LHFPL3: variants seen among roughly 807,000 people sequenced by gnomAD.
LHFPL3 encodes LHFPL tetraspan subfamily member 3 protein.
In LHFPL3, 5 loss-of-function variants were observed where a neutral mutation model predicts 19.3. The ratio of observed to expected loss-of-function variants is 0.26; its 90% confidence interval spans 0.14 to 0.54. The LOEUF (loss-of-function observed/expected upper bound fraction) is 0.54, where lower values mean the gene tolerates loss of function less well. LHFPL3 is among the 20% of genes least tolerant of loss of function. The pLI is 0.94. For synonymous variants in LHFPL3, 133 were observed against 126.2 expected (o/e 1.05, Z -0.36); for missense variants, 249 against 307.4 (o/e 0.81, Z 1.42).
At chr7:104,383,912 T>A (rs1790882438) in intron 1 of LHFPL3, among the ~76,000 whole-genome samples, 3 of 152,236 alleles carry the variant, frequency 2.0e-5, no homozygotes, top group Admixed American at 2.0e-4. Context: ...TGTAATCAGT[T>A]GTCTGACCTC....
At chr7:104,346,256 G>A (rs991185649) in intron 1 of LHFPL3, among the ~76,000 whole-genome samples, 9 of 151,352 alleles carry the variant, frequency 5.9e-5, no homozygotes, top group Non-Finnish European at 8.8e-5. Flanking sequence ...GGCTGGTCTC[G>A]AACTCCTGAC....
intron 1 of LHFPL3, chr7:104,470,161 C>T (rs1792879644): frequency 2.3e-5 from 10 of 443,494 alleles, no homozygotes; most frequent in Non-Finnish European, 4.6e-6. Context: ...TCTTTTCCCC[C>T]TGTTCTTAGG....
At position 104,350,129 on chromosome 7, in the gene LHFPL3, A is replaced by G. The variant is rs530663584; in HGVS notation, c.445+20905A>G. ...TATTGCCCAGGATCATACAGCTACA[A>G]CTATCCAGTATAGTAGCCTGTCACC... On this transcript the variant is annotated intron_variant, in intron 1 of 2. Coordinates refer to ENST00000424859, the MANE Select transcript of LHFPL3 (RefSeq NM_199000.3). Among the ~76,000 whole-genome samples, 5 of 152,302 alleles carry G rather than the reference A, an allele frequency of 3.3e-5. No individual in the cohort carries two copies. The South Asian group carries it at 1.0e-3, about 32-fold the overall frequency.
intron 1 of LHFPL3, among the ~76,000 whole-genome samples, chr7:104,421,347 G>A (rs902843004): frequency 6.6e-6 from 1 of 152,208 alleles, no homozygotes; most frequent in Non-Finnish European, 1.5e-5. Flanking sequence ...AGTGAGGCTT[G>A]ACCAGATGAG....
chr7:104,808,798 A>G (rs1406366261), intron 2 of LHFPL3, among the ~76,000 whole-genome samples: 1 of 150,820 alleles, frequency 6.6e-6, no homozygotes, highest in East Asian at 2.0e-4. Flanking sequence ...ACATCTCTTG[A>G]TTTTAGGGTA....
chr7:104,529,576 C>T (rs561561266), intron 1 of LHFPL3, among the ~76,000 whole-genome samples: 19 of 152,302 alleles, frequency 1.2e-4, no homozygotes, highest in African/African-American at 4.6e-4. Flanking sequence ...GCCATAACAC[C>T]TGCTTCAGTG....
At chr7:104,341,227 CAG>C (rs1789943290) in intron 1 of LHFPL3, among the ~76,000 whole-genome samples, 1 of 152,220 alleles carries the variant, frequency 6.6e-6, no homozygotes, top group South Asian at 2.1e-4. Context: ...TTAAAATTTT[CAG>C]ATTTATGCTC....
intron 1 of LHFPL3, among the ~76,000 whole-genome samples, chr7:104,438,844 T>C (rs1399414806): frequency 1.3e-5 from 2 of 152,000 alleles, no homozygotes; most frequent in African/African-American, 4.8e-5. Context: ...TTGTTAAATC[T>C]CTATCAAAAC....
At chr7:104,392,373 T>G (rs1791091486) in intron 1 of LHFPL3, among the ~76,000 whole-genome samples, 1 of 152,032 alleles carries the variant, frequency 6.6e-6, no homozygotes, top group African/African-American at 2.4e-5. Flanking sequence ...AATACCTAAT[T>G]TATTGAGAGT....
In LHFPL3 at chr7:104,399,756, G is replaced by A. The variant is rs939410134; in HGVS notation, c.445+70532G>A. On this transcript the variant is annotated intron_variant, in intron 1 of 2. Transcript: ENST00000424859. This position sits in a 1 kb window ranked among gnomAD's most constrained non-coding sequence, Gnocchi z 4.4. ...CAAAGTGCTGGGATTACAGTTGTAA[G>A]CCACTGCGCCCGGCCATATGTTCTT... Among the ~76,000 whole-genome samples, 1 of 150,882 alleles carries A rather than the reference G, an allele frequency of 6.6e-6. No individual in the cohort carries two copies. Among genetic ancestry groups the A allele is most frequent in the African/African-American group, 2.4e-5 (1 of 40,956 alleles).
intron 2 of LHFPL3, among the ~76,000 whole-genome samples, chr7:104,881,571 A>C (rs573314887): frequency 1.3e-5 from 2 of 152,336 alleles, no homozygotes; most frequent in Admixed American, 6.5e-5. Flanking sequence ...GCTTCTTATG[A>C]ATGAACAAAG....
intron 1 of LHFPL3, among the ~76,000 whole-genome samples, chr7:104,513,933 G>C (rs973367212): frequency 6.6e-6 from 1 of 152,022 alleles, no homozygotes; most frequent in Non-Finnish European, 1.5e-5. Context: ...AATAGAAACT[G>C]ACAGGACAGG....
chr7:104,524,331 A>G (rs1271734145), intron 1 of LHFPL3, among the ~76,000 whole-genome samples: 4 of 152,158 alleles, frequency 2.6e-5, no homozygotes, highest in Non-Finnish European at 5.9e-5. Context: ...AAGGCCGGGC[A>G]AGGGACTCCA....
At chr7:104,444,923 G>A (rs544285309) in intron 1 of LHFPL3, among the ~76,000 whole-genome samples, 24 of 152,230 alleles carry the variant, frequency 1.6e-4, no homozygotes, top group African/African-American at 5.8e-4. Flanking sequence ...GGGAGGTGGA[G>A]GTTGCGGTGA....
At chr7:104,582,865 C>T (rs933782319) in intron 1 of LHFPL3, among the ~76,000 whole-genome samples, 1 of 151,410 alleles carries the variant, frequency 6.6e-6, no homozygotes, top group Non-Finnish European at 1.5e-5. Context: ...ATTTTTGCAT[C>T]TAGTATATAT....
intron 2 of LHFPL3, chr7:104,896,095 G>A (rs1368548812): frequency 2.0e-5 from 3 of 152,150 alleles, no homozygotes; most frequent in Non-Finnish European, 4.4e-5. Flanking sequence ...TTGGATTAGG[G>A]CCCCACCCTG....
chr7:104,670,782 TC>T (rs1354500190), intron 1 of LHFPL3, among the ~76,000 whole-genome samples: 1 of 152,008 alleles, frequency 6.6e-6, no homozygotes, highest in African/African-American at 2.4e-5. Flanking sequence ...TGGGTTTTTT[TC>T]CCCCCAAGTT....
intron 2 of LHFPL3, among the ~76,000 whole-genome samples, chr7:104,891,188 A>G (rs560196920): frequency 1.3e-5 from 2 of 151,688 alleles, no homozygotes; most frequent in East Asian, 1.9e-4. Flanking sequence ...TAAAAAAAAA[A>G]TTTGTTTTGT....
chr7:104,513,043 C>T (rs1299284928), intron 1 of LHFPL3, among the ~76,000 whole-genome samples: 2 of 152,116 alleles, frequency 1.3e-5, no homozygotes, highest in South Asian at 4.1e-4. Context: ...AACTTGTTTC[C>T]TCTAACTTGA....
Sources: gnomAD v4.1 joint callset for allele counts (sites outside exome capture counted in the v4.1 genomes callset) on GRCh38, gnomAD v4.1.1 for gene constraint, Gnocchi (gnomAD v3.1) non-coding constraint, MANE v1.5 for transcripts, NCBI Gene and HGNC (gene_info 2026-07-23, HGNC 2026-07-21) for gene names.